Variants in TTC27 observed in about 807,000 individuals in gnomAD.
The protein encoded by TTC27 is tetratricopeptide repeat domain 27, also known as tetratricopeptide repeat protein 27.
A neutral mutation model predicts 115.9 loss-of-function variants in TTC27; 79 were observed. That is an observed-to-expected ratio of 0.68 (90% CI 0.57 to 0.82). The LOEUF (loss-of-function observed/expected upper bound fraction) is 0.82. Ranked by LOEUF, TTC27 falls within the 40% of genes least tolerant of loss-of-function variation. The pLI is 0.00. For missense variants in TTC27, 1,054 were observed against 993.1 expected (o/e 1.06, Z -0.82); for synonymous variants, 401 against 356.0 (o/e 1.13, Z -1.42).
At chr2:32,717,599 T>G (rs35908733) in intron 10 of TTC27, among the ~76,000 whole-genome samples, 1 of 152,170 alleles carries the variant, frequency 6.6e-6, no homozygotes, top group East Asian at 1.9e-4. Context: ...GAAGAACAAA[T>G]GTAGTTAAAT....
Position 32,630,518 on chromosome 2 carries a change from T to G in TTC27, c.89-5T>G, listed in dbSNP as rs750112640. ...GGATTACCGCACTAATTTTTTATATTACAGAGAGTGGATCTTTCCTACAAT... is the reference window on the plus strand; with the variant it reads ...GGATTACCGCACTAATTTTTTATATGACAGAGAGTGGATCTTTCCTACAAT... On this transcript the variant is annotated splice_polypyrimidine_tract_variant and splice_region_variant and intron_variant, in intron 1 of 19. Coordinates refer to ENST00000317907, the MANE Select transcript of TTC27 (RefSeq NM_017735.5). 11 of 1,592,756 alleles carry G rather than the reference T, an allele frequency of 6.9e-6. No homozygotes were observed. The South Asian group carries it at 1.1e-4, about 16-fold the overall frequency.
chr2:32,641,407 A>C (rs963075555), intron 4 of TTC27, among the ~76,000 whole-genome samples: 3 of 152,238 alleles, frequency 2.0e-5, no homozygotes, highest in Admixed American at 2.0e-4. Context: ...GTGGACACTG[A>C]AACTTACATT....
chr2:32,733,308 G>A (rs1668353339), intron 10 of TTC27, among the ~76,000 whole-genome samples: 1 of 152,240 alleles, frequency 6.6e-6, no homozygotes, highest in Non-Finnish European at 1.5e-5. Context: ...GCACTGTATA[G>A]ATGGTCTCAC....
intron 7 of TTC27, among the ~76,000 whole-genome samples, chr2:32,668,552 C>CCCTT (rs1665879887): frequency 2.9e-5 from 1 of 34,264 alleles, no homozygotes. Context: ...CTCCCTCCCT[C>CCCTT]CCTCCCTCCC....
At chr2:32,682,841 A>ATTTTTTTTTTTTTTTTTTT (rs1559204114) in intron 9 of TTC27, among the ~76,000 whole-genome samples, 4 of 77,504 alleles carry the variant, frequency 5.2e-5, no homozygotes, top group Non-Finnish European at 6.7e-5. Flanking sequence ...GATAATTTTT[A>ATTTTTTTTTTTTTTTTTTT]TTGTTGTTTT....
intron 10 of TTC27, among the ~76,000 whole-genome samples, chr2:32,721,043 C>T (rs182120722): frequency 5.9e-5 from 9 of 152,160 alleles, no homozygotes; most frequent in Admixed American, 5.9e-4. Flanking sequence ...AGCACATGAT[C>T]TAGTCATTTA....
chr2:32,668,536 T>TCCCTCCCTCCCTCCCTCCCTC (rs1665877235), intron 7 of TTC27, among the ~76,000 whole-genome samples: 3 of 45,992 alleles, frequency 6.5e-5, no homozygotes, highest in Admixed American at 2.2e-4. Flanking sequence ...TTTCTTCCCT[T>TCCCTCCCTCCCTCCCTCCCTC]CCTCCCTCCC....
At chr2:32,710,586 C>T (rs1289853247) in intron 10 of TTC27, among the ~76,000 whole-genome samples, 1 of 151,752 alleles carries the variant, frequency 6.6e-6, no homozygotes, top group African/African-American at 2.4e-5. Flanking sequence ...TATGCCACCA[C>T]ACCTGGCTAA....
chr2:32,737,284 G>A (rs774738301), intron 12 of TTC27, among the ~76,000 whole-genome samples: 1 of 152,152 alleles, frequency 6.6e-6, no homozygotes, highest in Non-Finnish European at 1.5e-5. Context: ...CTTAAATTGG[G>A]CCAGGAGGGA....
At chr2:32,635,641 G>A (rs1330087265) in intron 3 of TTC27, among the ~76,000 whole-genome samples, 1 of 151,984 alleles carries the variant, frequency 6.6e-6, no homozygotes, top group Non-Finnish European at 1.5e-5. Context: ...CCAAGATCAC[G>A]CCACTGCACT....
chr2:32,767,823 T>C (rs1326581931), intron 13 of TTC27, among the ~76,000 whole-genome samples: 1 of 152,204 alleles, frequency 6.6e-6, no homozygotes, highest in African/African-American at 2.4e-5. Context: ...CAGAAGTTGC[T>C]CTGAGCTTAC....
chr2:32,640,467 C>G, intron 4 of TTC27, 57 bp downstream of exon 4: 1 of 1,534,766 alleles, frequency 6.5e-7, no homozygotes, highest in South Asian at 1.2e-5. Context: ...CTTATTAACA[C>G]CAGGCTGTAG....
intron 4 of TTC27, among the ~76,000 whole-genome samples, chr2:32,646,720 C>A (rs888555622): frequency 6.6e-6 from 1 of 151,674 alleles, no homozygotes; most frequent in Non-Finnish European, 1.5e-5. Context: ...CCCACCAGTA[C>A]GCCCAGCTAA....
intron 4 of TTC27, among the ~76,000 whole-genome samples, chr2:32,646,871 T>G (rs114873574): frequency 0.018 from 2,785 of 152,118 alleles, 32 homozygotes; most frequent in African/African-American, 0.031. Flanking sequence ...CCTCTATATT[T>G]GTTTTATTCT....
At chr2:32,765,409 C>G (rs541632498) in intron 13 of TTC27, among the ~76,000 whole-genome samples, 3 of 145,518 alleles carry the variant, frequency 2.1e-5, no homozygotes, top group African/African-American at 7.6e-5. Flanking sequence ...TTGAAATATT[C>G]AGTAAACCGT....
chr2:32,630,820 T>G (rs1416805028), intron 2 of TTC27, 120 bp downstream of exon 2: 2 of 870,272 alleles, frequency 2.3e-6, no homozygotes, highest in Middle Eastern at 3.7e-4. Flanking sequence ...TACTCAAGAC[T>G]CATGGTGTAC....
intron 9 of TTC27, among the ~76,000 whole-genome samples, chr2:32,682,277 C>T (rs1190775205): frequency 3.9e-5 from 6 of 152,080 alleles, no homozygotes; most frequent in Admixed American, 3.9e-4. Context: ...TAGGAATAAC[C>T]ATCTGTTTCA....
At chr2:32,694,904 C>G (rs1666933754) in intron 9 of TTC27, among the ~76,000 whole-genome samples, 1 of 151,804 alleles carries the variant, frequency 6.6e-6, no homozygotes, top group Non-Finnish European at 1.5e-5. Context: ...ATCTCAAACT[C>G]CTGGGCTCAA....
chr2:32,692,634 A>T (rs1198465716), intron 9 of TTC27, among the ~76,000 whole-genome samples: 2 of 152,194 alleles, frequency 1.3e-5, no homozygotes, highest in Non-Finnish European at 2.9e-5. Flanking sequence ...AAGAAACATC[A>T]AATTCCTAGG....
Sources: gnomAD v4.1 joint callset for allele counts (sites outside exome capture counted in the v4.1 genomes callset) on GRCh38, gnomAD v4.1.1 for gene constraint, MANE v1.5 for transcripts, NCBI Gene and HGNC (gene_info 2026-07-23, HGNC 2026-07-21) for gene names.